CACNB2: variants seen among roughly 807,000 people sequenced by gnomAD.
CACNB2 encodes calcium voltage-gated channel auxiliary subunit beta 2.
In CACNB2, 42 loss-of-function variants were observed where a neutral mutation model predicts 73.3. That is an observed-to-expected ratio of 0.57 (90% confidence interval 0.45 to 0.74). The LOEUF (loss-of-function observed/expected upper bound fraction) is 0.74. CACNB2 is among the 30% of genes least tolerant of loss of function. The pLI, the probability that CACNB2 is intolerant of heterozygous loss-of-function variation, is 0.00. For missense variants in CACNB2, 940 were observed against 853.0 expected (o/e 1.10, Z -1.27); for synonymous variants, 348 against 310.3 (o/e 1.12, Z -1.28).
At chr10:18,358,440 G>T (rs1195379909) in intron 2 of CACNB2, among the ~76,000 whole-genome samples, 2 of 149,964 alleles carry the variant, frequency 1.3e-5, no homozygotes, top group African/African-American at 4.9e-5. Flanking sequence ...GCTACCTGCT[G>T]TTCTAGAACC....
intron 3 of CACNB2, among the ~76,000 whole-genome samples, chr10:18,434,252 C>G (rs541955068): frequency 4.6e-5 from 7 of 152,040 alleles, no homozygotes; most frequent in Non-Finnish European, 8.8e-5. Context: ...ATCATGACCT[C>G]TATTCATGAT....
intron 2 of CACNB2, among the ~76,000 whole-genome samples, chr10:18,356,868 G>T (rs558784852): frequency 6.7e-6 from 1 of 150,096 alleles, no homozygotes; most frequent in African/African-American, 2.5e-5. Context: ...GGGCTCAAAC[G>T]ATCCTCCTGC....
chr10:18,452,736 C>T (rs1458726202), intron 3 of CACNB2, among the ~76,000 whole-genome samples: 2 of 152,170 alleles, frequency 1.3e-5, no homozygotes, highest in African/African-American at 4.8e-5. Flanking sequence ...CAGAAGTTCT[C>T]TACCTAGGAT....
At chr10:18,403,348 A>C (rs1022291508) in intron 3 of CACNB2, among the ~76,000 whole-genome samples, 18 of 152,388 alleles carry the variant, frequency 1.2e-4, no homozygotes, top group African/African-American at 4.3e-4. Context: ...TCTGCATTGT[A>C]GTTAATATAG....
intron 2 of CACNB2, among the ~76,000 whole-genome samples, chr10:18,214,978 G>A (rs944822716): frequency 3.3e-5 from 5 of 152,136 alleles, no homozygotes; most frequent in African/African-American, 4.8e-5. Context: ...AGAGTAATAC[G>A]AATTATTTAC....
At chr10:18,360,735 A>G (rs1318048493) in intron 2 of CACNB2, among the ~76,000 whole-genome samples, 1 of 152,178 alleles carries the variant, frequency 6.6e-6, no homozygotes, top group African/African-American at 2.4e-5. Flanking sequence ...TTGTCCTCTT[A>G]GACGACTTGC....
At chr10:18,242,073 G>C (rs955099344) in intron 2 of CACNB2, among the ~76,000 whole-genome samples, 4 of 147,818 alleles carry the variant, frequency 2.7e-5, no homozygotes, top group Non-Finnish European at 5.9e-5. Flanking sequence ...TAGAATGCAT[G>C]TATATATGTA....
intron 2 of CACNB2, among the ~76,000 whole-genome samples, chr10:18,275,938 A>G (rs957474171): frequency 2.0e-5 from 3 of 152,212 alleles, no homozygotes; most frequent in African/African-American, 7.2e-5. Context: ...ACGTTACTTA[A>G]TTGCCACGAG....
intron 2 of CACNB2, among the ~76,000 whole-genome samples, chr10:18,346,940 C>G (rs1475111694): frequency 6.6e-6 from 1 of 152,050 alleles, no homozygotes; most frequent in Non-Finnish European, 1.5e-5. Flanking sequence ...AAACCTGACC[C>G]GTGAAATCAC....
intron 2 of CACNB2, among the ~76,000 whole-genome samples, chr10:18,334,521 T>C (rs906714512): frequency 1.3e-5 from 2 of 152,170 alleles, no homozygotes; most frequent in Non-Finnish European, 2.9e-5. Context: ...CACTTCACAT[T>C]GACAGCTTTG....
At chr10:18,233,667 G>C (rs1163304969) in intron 2 of CACNB2, among the ~76,000 whole-genome samples, 1 of 152,174 alleles carries the variant, frequency 6.6e-6, no homozygotes, top group African/African-American at 2.4e-5. Context: ...TGAATATTGA[G>C]TGCTAGTAGG....
At chr10:18,274,825 C>T (rs2038209159) in intron 2 of CACNB2, among the ~76,000 whole-genome samples, 1 of 151,972 alleles carries the variant, frequency 6.6e-6, no homozygotes, top group African/African-American at 2.4e-5. Flanking sequence ...AAAATGAATC[C>T]CCGCTTCAAA....
At chr10:18,502,527 A>T (rs1162747911) in intron 5 of CACNB2, among the ~76,000 whole-genome samples, 5 of 129,508 alleles carry the variant, frequency 3.9e-5, no homozygotes, top group African/African-American at 1.7e-4. Context: ...CGTCTCTACT[A>T]AAAAAAAAAA....
chr10:18,322,959 C>CTTTTTTT (rs35664294), intron 2 of CACNB2, among the ~76,000 whole-genome samples: 9 of 106,348 alleles, frequency 8.5e-5, no homozygotes, highest in South Asian at 3.2e-4. Flanking sequence ...TGGTGATATT[C>CTTTTTTT]TTTTTTTTTT....
chr10:18,412,678 T>G (rs940465213), intron 3 of CACNB2, among the ~76,000 whole-genome samples: 2 of 152,260 alleles, frequency 1.3e-5, no homozygotes, highest in African/African-American at 4.8e-5. Context: ...CTACTTCTAC[T>G]ACCACTCTGG....
At position 18,527,596 on chromosome 10, in the gene CACNB2, T is replaced by C; in HGVS notation, c.953T>C (p.Ile318Thr). Reference sequence around the variant, plus strand: ...ACTTTTTCCTCCAACAGGATATCCATCACAAGGGTCACCGCTGACATCTCG... The same window carrying C: ...ACTTTTTCCTCCAACAGGATATCCACCACAAGGGTCACCGCTGACATCTCG... ...LKHRFEGRIS[I>T]TRVTADISLA... The change falls in exon 10 of 14, where the codon ATC (isoleucine) becomes ACC (threonine). Residue 318 changes from isoleucine to threonine, a missense_variant. Physicochemically the swap from Ile to Thr is moderately conservative, Grantham distance 89. Coordinates refer to ENST00000324631, the MANE Select transcript of CACNB2 (RefSeq NM_201596.3). 1.2e-6 allele frequency: 2 copies of C among 1,612,698 alleles called. No homozygotes were observed. Among genetic ancestry groups the C allele is most frequent in the South Asian group, 1.1e-5 (1 of 91,050 alleles).
At chr10:18,393,054 C>T (rs939182703) in intron 2 of CACNB2, among the ~76,000 whole-genome samples, 5 of 151,914 alleles carry the variant, frequency 3.3e-5, no homozygotes, top group Non-Finnish European at 7.4e-5. Context: ...ACTAAAAATA[C>T]AAAAATTAGC....
At chr10:18,277,200 A>G (rs763113775) in intron 2 of CACNB2, among the ~76,000 whole-genome samples, 2 of 152,200 alleles carry the variant, frequency 1.3e-5, no homozygotes, top group Non-Finnish European at 2.9e-5. Context: ...TATGTGATAA[A>G]GAATCTGCAT....
chr10:18,371,115 T>G (rs1445990577), intron 2 of CACNB2, among the ~76,000 whole-genome samples: 5 of 152,228 alleles, frequency 3.3e-5, no homozygotes, highest in African/African-American at 1.2e-4. Context: ...GTATTACTAT[T>G]ATTTAAAAAT....
Sources: gnomAD v4.1 joint callset for allele counts (sites outside exome capture counted in the v4.1 genomes callset) on GRCh38, gnomAD v4.1.1 for gene constraint, MANE v1.5 for transcripts, NCBI Gene and HGNC (gene_info 2026-07-23, HGNC 2026-07-21) for gene names.